The following PRKAR1A variants were observed in gnomAD, a reference collection of about 807,000 sequenced individuals.
PRKAR1A encodes protein kinase cAMP-dependent type I regulatory subunit alpha.
A neutral mutation model predicts 52.0 loss-of-function variants in PRKAR1A; 3 were observed. The ratio of observed to expected loss-of-function variants is 0.06; its 90% CI spans 0.03 to 0.15. PRKAR1A has a LOEUF of 0.15. PRKAR1A is among the 10% of genes least tolerant of loss of function. The pLI is 1.00. For synonymous variants in PRKAR1A, 188 were observed against 168.4 expected (o/e 1.12, Z -0.90); for missense variants, 240 against 477.4 (o/e 0.50, Z 4.63).
At chr17:68,426,254 G>GGGGCCCCCCCC in the PRKAR1A span, 3 of 816,902 alleles carry the variant, frequency 3.7e-6, no homozygotes, top group East Asian at 3.5e-5. Context: ...GGGAGCGGGG[G>GGGGCCCCCCCC]CTCAAATAAA....
the PRKAR1A span, among the ~76,000 whole-genome samples, chr17:68,431,647 T>C: frequency 3.3e-5 from 1 of 30,592 alleles, no homozygotes. Context: ...AGACCAAATG[T>C]AAGAGTAACG....
the PRKAR1A span, among the ~76,000 whole-genome samples, chr17:68,437,948 TAAAAAA>T: frequency 0.044 from 3,462 of 78,846 alleles, 180 homozygotes; most frequent in African/African-American, 0.13. Flanking sequence ...ACATCTCTCT[TAAAAAA>T]AAAAAAAAAA....
At chr17:68,422,098 C>T in the PRKAR1A span, 1 of 405,762 alleles carries the variant, frequency 2.5e-6, no homozygotes, top group Admixed American at 3.6e-5. Context: ...AAAGGCTCAT[C>T]TTACTTGTAA....
the PRKAR1A span, among the ~76,000 whole-genome samples, chr17:68,480,714 AT>A: frequency 6.6e-6 from 1 of 151,966 alleles, no homozygotes; most frequent in Admixed American, 6.6e-5. Flanking sequence ...GGCTTGGCTG[AT>A]TTTTGTAATT....
the PRKAR1A span, chr17:68,433,621 G>A: frequency 3.3e-6 from 5 of 1,498,372 alleles, no homozygotes; most frequent in Non-Finnish European, 4.6e-6. Flanking sequence ...AGAAATGGGA[G>A]TTATGGCCTT....
At chr17:68,446,909 A>G in the PRKAR1A span, among the ~76,000 whole-genome samples, 1 of 152,178 alleles carries the variant, frequency 6.6e-6, no homozygotes, top group East Asian at 1.9e-4. Context: ...CGCAGAGGGA[A>G]ACAGAGAGAA....
chr17:68,468,158 A>T, the PRKAR1A span, among the ~76,000 whole-genome samples: 2 of 152,180 alleles, frequency 1.3e-5, no homozygotes, highest in Non-Finnish European at 2.9e-5. Context: ...GGGGCCAATC[A>T]TGCAGATGAT....
chr17:68,434,613 C>T, the PRKAR1A span: 6 of 1,613,956 alleles, frequency 3.7e-6, no homozygotes, highest in Non-Finnish European at 5.1e-6. Context: ...AGAGAACACC[C>T]GGATGACTGT....
At chr17:68,456,807 G>GT in the PRKAR1A span, among the ~76,000 whole-genome samples, 3 of 152,194 alleles carry the variant, frequency 2.0e-5, no homozygotes, top group African/African-American at 7.2e-5. Flanking sequence ...GGATGGGACA[G>GT]GGGCTGGCCT....
At chr17:68,464,930 G>GTT in the PRKAR1A span, among the ~76,000 whole-genome samples, 36,961 of 142,998 alleles carry the variant, frequency 0.26, 5,051 homozygotes, top group Non-Finnish European at 0.29. Context: ...GGAAGTGTGG[G>GTT]TTTTTTTTTT....
chr17:68,527,794 T>A (rs572303209), intron 7 of PRKAR1A, 46 bp from the exon 8 acceptor site: 1 of 1,436,864 alleles, frequency 7.0e-7, no homozygotes, highest in East Asian at 2.3e-5. Context: ...TATGTGGTGA[T>A]AATTACACGT....
chr17:68,474,978 G>A, the PRKAR1A span, among the ~76,000 whole-genome samples: 6,393 of 152,230 alleles, frequency 0.042, 417 homozygotes, highest in African/African-American at 0.14. Flanking sequence ...GTCTTTTTAA[G>A]TTCTAAAATC....
At chr17:68,426,000 G>T in the PRKAR1A span, 18 of 1,151,636 alleles carry the variant, frequency 1.6e-5, no homozygotes, top group Non-Finnish European at 2.3e-5. Flanking sequence ...AAGGGACTCT[G>T]CCTCTCGTAT....
At chr17:68,462,737 G>A in the PRKAR1A span, among the ~76,000 whole-genome samples, 2 of 152,154 alleles carry the variant, frequency 1.3e-5, no homozygotes, top group East Asian at 3.9e-4. Flanking sequence ...TTTGGCTCAA[G>A]GCTGGAAATA....
At chr17:68,483,250 G>A in the PRKAR1A span, among the ~76,000 whole-genome samples, 39 of 152,150 alleles carry the variant, frequency 2.6e-4, no homozygotes, top group Non-Finnish European at 4.0e-4. Context: ...GGAGGCAGAG[G>A]TGGGTGAATC....
the PRKAR1A span, chr17:68,434,733 G>T: frequency 9.1e-7 from 1 of 1,101,554 alleles, no homozygotes; most frequent in Non-Finnish European, 1.3e-6. Context: ...TGTCTCTGAG[G>T]AGGAAGAACA....
chr17:68,462,957 CA>C, the PRKAR1A span, among the ~76,000 whole-genome samples: 49 of 152,274 alleles, frequency 3.2e-4, no homozygotes, highest in Non-Finnish European at 6.5e-4. Context: ...TGCTCCCAAG[CA>C]GAGAGTTAGC....
the PRKAR1A span, among the ~76,000 whole-genome samples, chr17:68,504,679 CAGTGGCTGGGAAGTGT>C: frequency 2.0e-5 from 3 of 152,080 alleles, no homozygotes; most frequent in Non-Finnish European, 4.4e-5. Context: ...GGATGGTTAC[CAGTGGCTGGGAAGTGT>C]AGCGGTGGAG....
At chr17:68,463,198 G>T in the PRKAR1A span, among the ~76,000 whole-genome samples, 1 of 152,164 alleles carries the variant, frequency 6.6e-6, no homozygotes, top group Non-Finnish European at 1.5e-5. Flanking sequence ...TTCTAGGATG[G>T]TTGGGGGGAC....
Sources: gnomAD v4.1 joint callset for allele counts (sites outside exome capture counted in the v4.1 genomes callset) on GRCh38, gnomAD v4.1.1 for gene constraint, MANE v1.5 for transcripts, NCBI Gene and HGNC (gene_info 2026-07-23, HGNC 2026-07-21) for gene names.